The following MALRD1 variants were observed in gnomAD, a reference collection of about 807,000 sequenced individuals.
The protein encoded by MALRD1 is MAM and LDL receptor class A domain containing 1, also known as MAM and LDL-receptor class A domain-containing protein 1.
MALRD1 carries 247 observed loss-of-function variants against 242.1 expected under a neutral mutation model. The observed-to-expected ratio is 1.02, with a 90% CI of 0.92 to 1.13. MALRD1 has a LOEUF of 1.13. Ranked by LOEUF, MALRD1 falls within the 50% of genes most tolerant of loss-of-function variation. MALRD1 has a pLI of 0.00. For missense variants in MALRD1, 2,989 were observed against 2,533.1 expected, an observed-to-expected ratio of 1.18 and a Z score of -3.86; for synonymous variants, 995 against 866.6, an observed-to-expected ratio of 1.15 and a Z score of -2.60.
intron 29 of MALRD1, among the ~76,000 whole-genome samples, chr10:19,486,720 C>T (rs1343288069): frequency 1.3e-5 from 2 of 152,076 alleles, no homozygotes; most frequent in South Asian, 2.1e-4. Context: ...AATAAAACAA[C>T]AAGTGTTTCT....
At chr10:19,593,686 G>A (rs1327516536) in intron 33 of MALRD1, among the ~76,000 whole-genome samples, 1 of 152,104 alleles carries the variant, frequency 6.6e-6, no homozygotes, top group East Asian at 1.9e-4. Flanking sequence ...CTGACCTTTA[G>A]AAACATGAGA....
chr10:19,471,414 A>G (rs2131139522), intron 29 of MALRD1, among the ~76,000 whole-genome samples: 1 of 151,894 alleles, frequency 6.6e-6, no homozygotes, highest in African/African-American at 2.4e-5. Flanking sequence ...TTGTCTAATC[A>G]GGGTATTTTG....
intron 21 of MALRD1, among the ~76,000 whole-genome samples, chr10:19,284,164 T>G (rs1840974579): frequency 6.6e-6 from 1 of 152,216 alleles, no homozygotes; most frequent in Non-Finnish European, 1.5e-5. Flanking sequence ...TATTAAGGCT[T>G]TTGTCCATTT....
At chr10:19,366,127 CTAT>C (rs1024393981) in intron 26 of MALRD1, among the ~76,000 whole-genome samples, 16 of 151,854 alleles carry the variant, frequency 1.1e-4, no homozygotes, top group African/African-American at 3.9e-4. Context: ...TACTTTATTT[CTAT>C]TATTATTACT....
chr10:19,523,165 A>C (rs1481006492), intron 31 of MALRD1, among the ~76,000 whole-genome samples: 1 of 152,192 alleles, frequency 6.6e-6, no homozygotes, highest in Non-Finnish European at 1.5e-5. Context: ...AGAGAATTTA[A>C]GTAGGTTGCC....
chr10:19,340,547 C>T (rs562197137), intron 24 of MALRD1, among the ~76,000 whole-genome samples: 3 of 152,076 alleles, frequency 2.0e-5, no homozygotes, highest in East Asian at 1.9e-4. Flanking sequence ...CTGTGTCATG[C>T]GTCTAAATAT....
Position 19,311,613 on chromosome 10 carries a change from G to A in MALRD1, c.3420-12336G>A, listed in dbSNP as rs548168065. The stretch of plus-strand genomic sequence containing the variant: ...TTTTATCAATAAAATTCTAAAATAT[G>A]TAAATTATGAACAATCTATATGTCT... On this transcript the variant is annotated intron_variant, in intron 21 of 39. Coordinates refer to ENST00000454679, the MANE Select transcript of MALRD1 (RefSeq NM_001142308.3). 9.9e-5 allele frequency among the ~76,000 whole-genome samples: 15 copies of A among 151,508 alleles called. No homozygotes were observed. In the South Asian group the frequency reaches 2.3e-3, roughly 23 times the overall value.
In MALRD1 at chr10:19,352,198, C is replaced by CG; in HGVS notation, c.4342_4343insG (p.Gln1448ArgfsTer8). ...ATTTGAAGGTAGAGTTGGGAAAGGT[C>CG]AGCGTGGAGACATTGCACTTGATGA... On this transcript the variant is annotated frameshift_variant, in exon 26 of 40. Coordinates refer to ENST00000454679, the MANE Select transcript of MALRD1 (RefSeq NM_001142308.3). LOFTEE classifies it high-confidence loss of function. 21 of 1,550,426 alleles carry CG rather than the reference C, an allele frequency of 1.4e-5. No individual in the cohort carries two copies. The highest frequency in any genetic ancestry group is 1.8e-5 in the Non-Finnish European group (21 of 1,146,904).
intron 17 of MALRD1, among the ~76,000 whole-genome samples, chr10:19,207,393 TG>T (rs1382335119): frequency 6.6e-6 from 1 of 152,218 alleles, no homozygotes; most frequent in Non-Finnish European, 1.5e-5. Flanking sequence ...CCCCCTTACC[TG>T]GGGGCTTCAG....
chr10:19,500,835 AT>A (rs1176938143), intron 31 of MALRD1, among the ~76,000 whole-genome samples: 1 of 152,108 alleles, frequency 6.6e-6, no homozygotes, highest in Admixed American at 6.5e-5. Flanking sequence ...TCACTTAACT[AT>A]TTCTCAAATG....
chr10:19,546,687 A>G (rs1049409054), intron 32 of MALRD1, among the ~76,000 whole-genome samples: 4 of 152,146 alleles, frequency 2.6e-5, no homozygotes, highest in Admixed American at 2.6e-4. Context: ...GGTGTTTGCA[A>G]ATGCCTCAGT....
intron 19 of MALRD1, among the ~76,000 whole-genome samples, chr10:19,269,993 T>C (rs891806632): frequency 1.3e-5 from 2 of 152,176 alleles, no homozygotes; most frequent in Non-Finnish European, 2.9e-5. Context: ...TCTAGTTAAG[T>C]TGAAATCAGA....
chr10:19,305,865 A>C (rs1842143883), intron 21 of MALRD1, among the ~76,000 whole-genome samples: 1 of 132,252 alleles, frequency 7.6e-6, no homozygotes, highest in Admixed American at 8.5e-5. Context: ...ATACTATACT[A>C]TATATTATAT....
At chr10:19,170,865 T>C (rs1564439459) in intron 13 of MALRD1, among the ~76,000 whole-genome samples, 1 of 152,162 alleles carries the variant, frequency 6.6e-6, no homozygotes, top group Non-Finnish European at 1.5e-5. Context: ...AACAAGTGAA[T>C]GTGACTGGCA....
At chr10:19,704,937 A>G (rs929574825) in intron 38 of MALRD1, among the ~76,000 whole-genome samples, 2 of 152,298 alleles carry the variant, frequency 1.3e-5, no homozygotes, top group East Asian at 3.9e-4. Flanking sequence ...ACTTGAACCC[A>G]GGAGTTCAAG....
rs10219074 is a variant in MALRD1, at chr10:19,322,885, G to A, written c.3420-1064G>A. On this transcript the variant is annotated intron_variant, in intron 21 of 39. Transcript: ENST00000454679. The stretch of plus-strand genomic sequence containing the variant: ...AATTTAGAAAGTGGCAAGAAATCAA[G>A]TTAATCCAAAACAGAGTGCCAGAAT... 7.7e-3 allele frequency among the ~76,000 whole-genome samples: 1,167 copies of A among 152,250 alleles called. 13 individuals are homozygous for A. Among genetic ancestry groups the A allele is most frequent in the African/African-American group, 0.027 (1,118 of 41,546 alleles).
intron 21 of MALRD1, 90 bp from the exon 22 acceptor site, chr10:19,323,859 C>A: frequency 8.2e-7 from 1 of 1,224,650 alleles, no homozygotes; most frequent in Non-Finnish European, 1.1e-6. Context: ...GATCCACCTG[C>A]CTCAGCCTCC....
chr10:19,136,353 T>A (rs929699054), intron 9 of MALRD1, among the ~76,000 whole-genome samples: 8 of 149,582 alleles, frequency 5.3e-5, no homozygotes, highest in Non-Finnish European at 1.2e-4. Context: ...TTTTTTTTTT[T>A]AATACTTTAA....
At chr10:19,157,631 T>C (rs1280111453) in intron 12 of MALRD1, among the ~76,000 whole-genome samples, 2 of 152,164 alleles carry the variant, frequency 1.3e-5, no homozygotes, top group African/African-American at 4.8e-5. Context: ...TAGCCAATCC[T>C]CCGAATTGGA....
Sources: allele counts gnomAD v4.1 joint callset (sites outside exome capture counted in the v4.1 genomes callset), GRCh38; gene constraint gnomAD v4.1.1; transcripts MANE v1.5; gene names NCBI Gene and HGNC (gene_info 2026-07-23, HGNC 2026-07-21).